AGBL4: variants seen among roughly 807,000 people sequenced by gnomAD.
AGBL4 encodes the protein cytosolic carboxypeptidase 6.
In AGBL4, 58 loss-of-function variants were observed where a neutral mutation model predicts 66.4. The observed-to-expected ratio is 0.87, with a 90% CI of 0.71 to 1.09. AGBL4 has a LOEUF of 1.09. AGBL4 is among the 50% of genes least tolerant of loss of function. The pLI is 0.00. For synonymous variants in AGBL4, 234 were observed against 222.9 expected (o/e 1.05, Z -0.44); for missense variants, 579 against 631.0 (o/e 0.92, Z 0.88).
At chr1:49,486,469 C>T (rs562253839) in intron 3 of AGBL4, among the ~76,000 whole-genome samples, 1 of 152,036 alleles carries the variant, frequency 6.6e-6, no homozygotes, top group East Asian at 1.9e-4. Flanking sequence ...GAACCCCAAC[C>T]CATCAAAATC....
At chr1:49,858,199 A>G (rs1251140254) in intron 1 of AGBL4, among the ~76,000 whole-genome samples, 1 of 152,122 alleles carries the variant, frequency 6.6e-6, no homozygotes, top group Non-Finnish European at 1.5e-5. Context: ...GACTACTATG[A>G]AAAGGATAAA....
intron 4 of AGBL4, among the ~76,000 whole-genome samples, chr1:49,111,499 A>C (rs980155925): frequency 6.6e-6 from 1 of 152,192 alleles, no homozygotes; most frequent in Non-Finnish European, 1.5e-5. Flanking sequence ...TCTGTGCCCC[A>C]CACTTCATTC....
Position 49,576,694 on chromosome 1 carries a change from C to T in AGBL4, c.282+120619G>A, listed in dbSNP as rs188468966. Among the ~76,000 whole-genome samples, 4 of 152,286 alleles carry T rather than the reference C, an allele frequency of 2.6e-5. No individual in the cohort carries two copies. In the East Asian group the frequency reaches 7.7e-4, roughly 29 times the overall value. On this transcript the variant is annotated intron_variant, in intron 3 of 13. Coordinates refer to ENST00000371839, the MANE Select transcript of AGBL4 (RefSeq NM_032785.4). Reference sequence around the variant, plus strand: ...ATATGTGATTGGGCTCAAGTAGGTCCTGAAGCACAAGTAAGTTACCTAAGG... The same window carrying T: ...ATATGTGATTGGGCTCAAGTAGGTCTTGAAGCACAAGTAAGTTACCTAAGG...
intron 3 of AGBL4, among the ~76,000 whole-genome samples, chr1:49,518,449 T>C (rs1357880391): frequency 1.3e-5 from 2 of 152,072 alleles, no homozygotes. Flanking sequence ...AAGATAGAGA[T>C]GTTTCTTGTA....
intron 6 of AGBL4, among the ~76,000 whole-genome samples, chr1:48,681,325 CTGCCCTTG>C: frequency 6.6e-6 from 1 of 152,326 alleles, no homozygotes; most frequent in African/African-American, 2.4e-5. Context: ...CATGTGAATC[CTGCCCTTG>C]TAGGTGTGAA....
chr1:49,260,727 G>A lies in AGBL4; in HGVS notation c.283-14863C>T, dbSNP rs200104093. Among the ~76,000 whole-genome samples the A allele has an allele frequency of 7.9e-3, 1,202 of 152,150 alleles. 9 individuals are homozygous for A. Among genetic ancestry groups the A allele is most frequent in the Middle Eastern group, 0.031 (9 of 294 alleles). On this transcript the variant is annotated intron_variant, in intron 3 of 13. Coordinates refer to ENST00000371839, the MANE Select transcript of AGBL4 (RefSeq NM_032785.4). ...GATTCACAGCCGAATTCTACCAGAG[G>A]TACAAGGAGGAACTGGTACCATTCC...
At chr1:48,686,388 G>A (rs1646531732) in intron 6 of AGBL4, among the ~76,000 whole-genome samples, 1 of 152,220 alleles carries the variant, frequency 6.6e-6, no homozygotes, top group Non-Finnish European at 1.5e-5. Context: ...GTTTAGAGCA[G>A]TGCCTGGCAC....
chr1:49,243,165 T>C (rs1651370988), intron 4 of AGBL4, among the ~76,000 whole-genome samples: 1 of 151,676 alleles, frequency 6.6e-6, no homozygotes, highest in South Asian at 2.1e-4. Context: ...ATGACTTATT[T>C]GGAATATCGA....
rs140668221 is a variant in AGBL4 at position 49,890,661 on chromosome 1, G to A, written c.35-39143C>T. ...TTGCATTTAGATAAGGTCATGTGAC[G>A]GAACTCTAGGCAATATAACTGTAGG... On this transcript the variant is annotated intron_variant, in intron 1 of 13. Transcript: ENST00000371839. Among the ~76,000 whole-genome samples, 532 of 152,258 alleles carry A rather than the reference G, an allele frequency of 3.5e-3. 2 individuals are homozygous for A. The highest frequency in any genetic ancestry group is 0.012 in the African/African-American group (497 of 41,552).
At chr1:49,042,388 C>A (rs532243935) in intron 5 of AGBL4, among the ~76,000 whole-genome samples, 1 of 152,124 alleles carries the variant, frequency 6.6e-6, no homozygotes, top group Non-Finnish European at 1.5e-5. Flanking sequence ...CCTGTGGCAG[C>A]GACTTTAAGC....
chr1:49,896,442 G>A (rs1396409515), intron 1 of AGBL4, among the ~76,000 whole-genome samples: 1 of 149,864 alleles, frequency 6.7e-6, no homozygotes, highest in Non-Finnish European at 1.5e-5. Flanking sequence ...CCAAAGAAAA[G>A]GCTGAAACCT....
chr1:48,990,758 C>T (rs1218529108), intron 5 of AGBL4, among the ~76,000 whole-genome samples: 1 of 151,934 alleles, frequency 6.6e-6, no homozygotes, highest in Non-Finnish European at 1.5e-5. Flanking sequence ...TTTGAGGTTA[C>T]CATGAGGTTT....
intron 1 of AGBL4, among the ~76,000 whole-genome samples, chr1:49,871,378 T>C (rs1646835011): frequency 6.6e-6 from 1 of 152,088 alleles, no homozygotes; most frequent in Non-Finnish European, 1.5e-5. Context: ...CAAGTCTCCT[T>C]TCACAAAAAA....
chr1:49,231,184 T>C (rs1182567040), intron 4 of AGBL4, among the ~76,000 whole-genome samples: 1 of 152,172 alleles, frequency 6.6e-6, no homozygotes, highest in African/African-American at 2.4e-5. Flanking sequence ...CCATTTTATA[T>C]CTAAGGAAAC....
chr1:49,730,935 C>T (rs1243161900), intron 2 of AGBL4, among the ~76,000 whole-genome samples: 1 of 152,116 alleles, frequency 6.6e-6, no homozygotes, highest in Non-Finnish European at 1.5e-5. Context: ...GAATATCTTC[C>T]ATTTGTCCCT....
chr1:48,571,650 T>C (rs1189934351), intron 11 of AGBL4, among the ~76,000 whole-genome samples: 2 of 152,246 alleles, frequency 1.3e-5, no homozygotes, highest in East Asian at 3.9e-4. Context: ...GGCTAGGAAA[T>C]GCCTTTCATT....
intron 5 of AGBL4, among the ~76,000 whole-genome samples, chr1:48,875,277 GGATGCCATACCC>G (rs1401931155): frequency 6.6e-6 from 1 of 152,152 alleles, no homozygotes; most frequent in African/African-American, 2.4e-5. Context: ...ACTGATATCT[GGATGCCATACCC>G]GATCACCTCT....
At chr1:49,299,963 G>GTA (rs1246029454) in intron 3 of AGBL4, among the ~76,000 whole-genome samples, 2 of 151,982 alleles carry the variant, frequency 1.3e-5, no homozygotes, top group Non-Finnish European at 2.9e-5. Context: ...AAATCCCAAT[G>GTA]TATAATTCTT....
At position 49,472,239 on chromosome 1, in the gene AGBL4, G is replaced by T. The variant is rs74579797; in HGVS notation, c.282+225074C>A. Among the ~76,000 whole-genome samples the T allele has an allele frequency of 3.5e-3, 531 of 152,036 alleles. 8 individuals carry two copies. The highest frequency in any genetic ancestry group is 6.5e-3 in the Non-Finnish European group (441 of 67,958). On this transcript the variant is annotated intron_variant, in intron 3 of 13. Coordinates refer to ENST00000371839, the MANE Select transcript of AGBL4 (RefSeq NM_032785.4). ...AAGACATATTATTTAAGTCTGATGT[G>T]GAGTCTCATAATCTAATACACAAAA...
Sources: allele counts gnomAD v4.1 joint callset (sites outside exome capture counted in the v4.1 genomes callset), GRCh38; gene constraint gnomAD v4.1.1; transcripts MANE v1.5; gene names NCBI Gene and HGNC (gene_info 2026-07-23, HGNC 2026-07-21).